The following CASZ1 variants were observed in gnomAD, a reference collection of about 807,000 sequenced individuals.
The protein encoded by CASZ1 is castor zinc finger 1.
In CASZ1, 28 loss-of-function variants were observed where a neutral mutation model predicts 135.2. That is an observed-to-expected ratio of 0.21 (90% CI 0.15 to 0.28). The LOEUF is 0.28. CASZ1 is among the 10% of genes least tolerant of loss of function. The pLI is 1.00. For missense variants in CASZ1, 2,161 were observed against 2,453.3 expected, an observed-to-expected ratio of 0.88 and a Z score of 2.52; for synonymous variants, 1,068 against 1,073.4, an observed-to-expected ratio of 0.99 and a Z score of 0.10.
chr1:10,763,594 C>T (rs1640418109), intron 1 of CASZ1, among the ~76,000 whole-genome samples: 1 of 152,300 alleles, frequency 6.6e-6, no homozygotes, highest in Admixed American at 6.5e-5. Context: ...TGACTCTGCT[C>T]CTCCTATATC....
intron 13 of CASZ1, 102 bp downstream of exon 13, chr1:10,650,590 T>C: frequency 1.0e-6 from 1 of 960,100 alleles, no homozygotes; most frequent in Non-Finnish European, 1.7e-6. Flanking sequence ...CTCATCTTAT[T>C]AGAGGCAAAA....
At chr1:10,750,193 G>T (rs913895318) in intron 2 of CASZ1, among the ~76,000 whole-genome samples, 1 of 152,126 alleles carries the variant, frequency 6.6e-6, no homozygotes, top group Non-Finnish European at 1.5e-5. Context: ...TTTCAGGGCC[G>T]ACTGCACAAT....
At chr1:10,651,206 G>A (rs939989738) in intron 11 of CASZ1, 130 bp from the exon 12 acceptor site, 11 of 636,808 alleles carry the variant, frequency 1.7e-5, no homozygotes, top group East Asian at 6.7e-5. Flanking sequence ...CGCTTCTCCC[G>A]CTGACGTGAT....
At chr1:10,779,790 C>G (rs755832984) in intron 1 of CASZ1, among the ~76,000 whole-genome samples, 28 of 152,214 alleles carry the variant, frequency 1.8e-4, no homozygotes, top group Non-Finnish European at 3.4e-4. Flanking sequence ...ATAATTTGTA[C>G]AGGTGACACC....
In CASZ1 at chr1:10,647,382, C is replaced by A; in HGVS notation, c.3497+419G>T. ...GTGACGGCCTGGAGGGGCCTGGCCCCTACCCGTGACTTCACGTGCCCTGCA... is the reference window on the plus strand; with the variant it reads ...GTGACGGCCTGGAGGGGCCTGGCCCATACCCGTGACTTCACGTGCCCTGCA... On this transcript the variant is annotated intron_variant, in intron 16 of 20. Transcript: ENST00000377022. The surrounding 1 kb of genome is among the most constrained non-coding windows in gnomAD (Gnocchi z 4.9). 1.9e-6 allele frequency: 2 copies of A among 1,072,346 alleles called. No individual in the cohort carries two copies. Among genetic ancestry groups the A allele is most frequent in the Non-Finnish European group, 2.3e-6 (2 of 883,102 alleles). The allele number at this position is 1,072,346 out of a possible 1,614,324, so 66.4% of individuals were successfully genotyped here. A position where few individuals can be genotyped will look rare whatever the true frequency, so the allele number is the denominator to read the frequency against.
chr1:10,795,063 C>T (rs1017962207), intron 1 of CASZ1, among the ~76,000 whole-genome samples: 3 of 152,166 alleles, frequency 2.0e-5, no homozygotes, highest in Non-Finnish European at 4.4e-5. Flanking sequence ...TCCTGGCGGC[C>T]GACGGCCATC....
rs1570520947 is a variant in CASZ1 at position 10,719,231 on chromosome 1, T to G, written c.-76-13687A>C. 6.6e-6 allele frequency among the ~76,000 whole-genome samples: 1 copy of G among 152,336 alleles called. No homozygotes were observed. The highest frequency in any genetic ancestry group is 1.9e-4 in the East Asian group (1 of 5,184). On this transcript the variant is annotated intron_variant, in intron 2 of 20. Transcript: ENST00000377022. The surrounding 1 kb of genome is among the most constrained non-coding windows in gnomAD (Gnocchi z 4.0). ...CCGCACCCGGCCCCGTGCCCCTTTC[T>G]TGTAAGGGGAGAGCCTGAGGTTCGG... is the stretch of plus-strand genomic sequence containing the variant.
At chr1:10,692,497 G>A (rs1638799661) in intron 4 of CASZ1, among the ~76,000 whole-genome samples, 2 of 152,218 alleles carry the variant, frequency 1.3e-5, no homozygotes, top group African/African-American at 4.8e-5. Flanking sequence ...GGGAGTGGAG[G>A]GCAGGGAGGG....
At chr1:10,790,359 C>T (rs769514626) in intron 1 of CASZ1, among the ~76,000 whole-genome samples, 4 of 152,178 alleles carry the variant, frequency 2.6e-5, no homozygotes, top group African/African-American at 9.7e-5. Flanking sequence ...AATGAAATTA[C>T]GGTTTTTAAA....
Position 10,741,094 on chromosome 1 carries a change from G to A in CASZ1, c.-77+19607C>T, listed in dbSNP as rs554151332. Among the ~76,000 whole-genome samples, 53 of 151,242 alleles carry A rather than the reference G, an allele frequency of 3.5e-4. No homozygotes were observed. Among genetic ancestry groups the A allele is most frequent in the African/African-American group, 1.2e-3 (48 of 41,224 alleles). ...TGCAACCTCCGTTTCCTGGGTTCAAGTGATTCTCCTGCCTCAGCCTCCCAA... is the reference window on the plus strand; with the variant it reads ...TGCAACCTCCGTTTCCTGGGTTCAAATGATTCTCCTGCCTCAGCCTCCCAA... On this transcript the variant is annotated intron_variant, in intron 2 of 20. Coordinates refer to ENST00000377022, the MANE Select transcript of CASZ1 (RefSeq NM_001079843.3). This position sits in a 1 kb window ranked among gnomAD's most constrained non-coding sequence, Gnocchi z 5.0.
At chr1:10,673,181 G>GT (rs1643462832) in intron 4 of CASZ1, among the ~76,000 whole-genome samples, 3 of 152,198 alleles carry the variant, frequency 2.0e-5, no homozygotes, top group South Asian at 2.1e-4. Flanking sequence ...TACTTTGTTG[G>GT]TTTTTTTAAA....
At chr1:10,738,280 G>A (rs1474123087) in intron 2 of CASZ1, among the ~76,000 whole-genome samples, 1 of 152,172 alleles carries the variant, frequency 6.6e-6, no homozygotes, top group African/African-American at 2.4e-5. Flanking sequence ...TGAGGAAGGC[G>A]GGAATGGGGA....
rs1463860747 is a variant in CASZ1 at position 10,794,767 on chromosome 1, C to T, written c.-234+1797G>A. Among the ~76,000 whole-genome samples, 2 of 152,186 alleles carry T rather than the reference C, an allele frequency of 1.3e-5. No homozygotes were observed. Among genetic ancestry groups the T allele is most frequent in the African/African-American group, 4.8e-5 (2 of 41,458 alleles). ...TCTATTATTATTATCTTAATCTACG[C>T]CCCCAAAGTGTCCCTCCAGCCGTGA... On this transcript the variant is annotated intron_variant, in intron 1 of 20. Coordinates refer to ENST00000377022, the MANE Select transcript of CASZ1 (RefSeq NM_001079843.3). This position sits in a 1 kb window ranked among gnomAD's most constrained non-coding sequence, Gnocchi z 5.6.
At position 10,756,859 on chromosome 1, in the gene CASZ1, G is replaced by A. The variant is rs940723017; in HGVS notation, c.-77+3842C>T. Among the ~76,000 whole-genome samples, 4 of 152,138 alleles carry A rather than the reference G, an allele frequency of 2.6e-5. No homozygotes were observed. The highest frequency in any genetic ancestry group is 1.9e-4 in the East Asian group (1 of 5,186). Reference sequence around the variant, plus strand: ...TCACCAACGACGCTCTATATGACCCGGCACGTGGAAAAAGGTGTGCAGAAG... The same window carrying A: ...TCACCAACGACGCTCTATATGACCCAGCACGTGGAAAAAGGTGTGCAGAAG... On this transcript the variant is annotated intron_variant, in intron 2 of 20. Coordinates refer to ENST00000377022, the MANE Select transcript of CASZ1 (RefSeq NM_001079843.3). The surrounding 1 kb of genome is among the most constrained non-coding windows in gnomAD (Gnocchi z 5.9).
rs1640899641 is a variant in CASZ1, at chr1:10,788,575, C to T, written c.-234+7989G>A. 6.6e-6 allele frequency among the ~76,000 whole-genome samples: 1 copy of T among 152,202 alleles called. No individual in the cohort carries two copies. ...TTCAAAAGAAGGGAAGAAGCACAGCCCAGAGACTGCCCGCCGTCAAACCAA... is the reference window on the plus strand; with the variant it reads ...TTCAAAAGAAGGGAAGAAGCACAGCTCAGAGACTGCCCGCCGTCAAACCAA... On this transcript the variant is annotated intron_variant, in intron 1 of 20. Coordinates refer to ENST00000377022, the MANE Select transcript of CASZ1 (RefSeq NM_001079843.3). The surrounding 1 kb of genome is among the most constrained non-coding windows in gnomAD (Gnocchi z 4.1).
chr1:10,685,277 G>A (rs1173174919), intron 4 of CASZ1, among the ~76,000 whole-genome samples: 7 of 152,192 alleles, frequency 4.6e-5, no homozygotes, highest in South Asian at 2.1e-4. Context: ...GAGGGAAGTG[G>A]GGGGCACACT....
rs903243048 is a variant in CASZ1, at chr1:10,706,311, G to A, written c.-76-767C>T. On this transcript the variant is annotated intron_variant, in intron 2 of 20. Coordinates refer to ENST00000377022, the MANE Select transcript of CASZ1 (RefSeq NM_001079843.3). The surrounding 1 kb of genome is among the most constrained non-coding windows in gnomAD (Gnocchi z 4.3). ...GTTCAAAGGGGCAGCCTGTGTGTACGTGGAGAGAAAACACAGGGAGTCCCC... is the reference window on the plus strand; with the variant it reads ...GTTCAAAGGGGCAGCCTGTGTGTACATGGAGAGAAAACACAGGGAGTCCCC... 2.6e-5 allele frequency among the ~76,000 whole-genome samples: 4 copies of A among 152,206 alleles called. No homozygotes were observed. The highest frequency in any genetic ancestry group is 7.2e-5 in the African/African-American group (3 of 41,460).
At chr1:10,649,262 A>G (rs772516335) in intron 14 of CASZ1, 21 bp downstream of exon 14, 3 of 1,603,308 alleles carry the variant, frequency 1.9e-6, no homozygotes, top group East Asian at 4.5e-5. Context: ...CGATGGGTGG[A>G]CGCGGCCAGC....
At chr1:10,692,666 C>T (rs1638805901) in intron 4 of CASZ1, among the ~76,000 whole-genome samples, 1 of 152,218 alleles carries the variant, frequency 6.6e-6, no homozygotes, top group Admixed American at 6.5e-5. Context: ...TGACACCTCC[C>T]CCCAACAAAC....
Sources: gnomAD v4.1 joint callset for allele counts (sites outside exome capture counted in the v4.1 genomes callset) on GRCh38, gnomAD v4.1.1 for gene constraint, Gnocchi (gnomAD v3.1) non-coding constraint, MANE v1.5 for transcripts, NCBI Gene and HGNC (gene_info 2026-07-23, HGNC 2026-07-21) for gene names.